KLHL24: variants seen among roughly 807,000 people sequenced by gnomAD.
KLHL24 encodes kelch like family member 24, also known as kelch-like protein 24.
KLHL24 carries 29 observed loss-of-function variants against 53.4 expected under a neutral mutation model. The ratio of observed to expected loss-of-function variants is 0.54; its 90% CI spans 0.40 to 0.74. The LOEUF is 0.74. Ranked by LOEUF, KLHL24 falls within the 30% of genes least tolerant of loss-of-function variation. The pLI is 0.00. For synonymous variants in KLHL24, 222 were observed against 253.7 expected (o/e 0.88, Z 1.19); for missense variants, 504 against 744.0 (o/e 0.68, Z 3.75).
chr3:183,656,864 C>T (rs1718972489), intron 3 of KLHL24, among the ~76,000 whole-genome samples: 1 of 150,368 alleles, frequency 6.7e-6, no homozygotes, highest in African/African-American at 2.5e-5. Flanking sequence ...AGTTCGAGAC[C>T]TGCCTGGGCA....
intron 1 of KLHL24, among the ~76,000 whole-genome samples, chr3:183,639,861 C>G (rs953297357): frequency 6.7e-6 from 1 of 150,246 alleles, no homozygotes; most frequent in Non-Finnish European, 1.5e-5. Context: ...AACAAACAAA[C>G]AAACCCAGAA....
intron 5 of KLHL24, among the ~76,000 whole-genome samples, chr3:183,669,610 T>C (rs1455973668): frequency 2.0e-5 from 3 of 152,120 alleles, no homozygotes; most frequent in African/African-American, 4.8e-5. Flanking sequence ...AGAAGTGGCA[T>C]TGAGTACTGT....
At chr3:183,647,571 C>A (rs1406429756) in intron 2 of KLHL24, among the ~76,000 whole-genome samples, 1 of 151,102 alleles carries the variant, frequency 6.6e-6, no homozygotes, top group Non-Finnish European at 1.5e-5. Context: ...ATTATCCAGG[C>A]GTGCTGGCGC....
intron 3 of KLHL24, among the ~76,000 whole-genome samples, chr3:183,658,235 G>T (rs1456488325): frequency 6.8e-6 from 1 of 147,182 alleles, no homozygotes; most frequent in Admixed American, 6.8e-5. Context: ...AAAATTCTTT[G>T]CATAGTTGTA....
chr3:183,660,908 A>G (rs1719658975), intron 3 of KLHL24, among the ~76,000 whole-genome samples: 1 of 150,846 alleles, frequency 6.6e-6, no homozygotes, highest in Admixed American at 6.6e-5. Flanking sequence ...CTAAAAATAC[A>G]AAAGCAATTA....
At position 183,663,652 on chromosome 3, in the gene KLHL24, G is replaced by A; in HGVS notation, c.1105+10G>A. On this transcript the variant is annotated intron_variant, in intron 4 of 7. Transcript: ENST00000242810. The surrounding 1 kb of genome is among the most constrained non-coding windows in gnomAD (Gnocchi z 4.9). ...GACATTCTTGTTTCAGGTAAATATA[G>A]AATTATTACAGTAGCTACTTTTAAT... The A allele has an allele frequency of 6.8e-7, 1 of 1,477,344 alleles. No homozygotes were observed. 91.5% of individuals were successfully genotyped at this position (1,477,344 alleles called of 1,614,324 possible).
intron 7 of KLHL24, among the ~76,000 whole-genome samples, chr3:183,676,189 GGGTTCAAGTGATTCTCCTGCCTCA>G (rs1711822474): frequency 4.6e-5 from 7 of 152,058 alleles, no homozygotes; most frequent in Non-Finnish European, 8.8e-5. Context: ...TCCGCCTCCC[GGGTTCAAGTGATTCTCCTGCCTCA>G]GTCTCCCAAG....
intron 3 of KLHL24, among the ~76,000 whole-genome samples, chr3:183,654,081 C>T (rs992141176): frequency 1.3e-5 from 2 of 152,214 alleles, no homozygotes; most frequent in Admixed American, 1.3e-4. Context: ...TGAAACTCCT[C>T]TCAATCAGGT....
intron 2 of KLHL24, among the ~76,000 whole-genome samples, chr3:183,648,888 A>G (rs1717708193): frequency 6.6e-6 from 1 of 152,136 alleles, no homozygotes. Context: ...CTGTAGTCCC[A>G]GCTACTCGGG....
rs1560193769 is a variant in KLHL24 at position 183,680,662 on chromosome 3, T to A, written c.*1376T>A. 2 of 152,202 alleles carry A rather than the reference T, an allele frequency of 1.3e-5. No individual in the cohort carries two copies. The highest frequency in any genetic ancestry group is 4.8e-5 in the African/African-American group (2 of 41,460). 9.4% of individuals were successfully genotyped at this position (152,202 alleles called of 1,614,324 possible). On this transcript the variant is annotated 3_prime_UTR_variant, in exon 8 of 8. Transcript: ENST00000242810. Reference sequence around the variant, plus strand: ...AACTCCACTTTATAAAGCTTATCAGTTTTCAGAGAGGAATGTGAATTTTTT... The same window carrying A: ...AACTCCACTTTATAAAGCTTATCAGATTTCAGAGAGGAATGTGAATTTTTT...
chr3:183,643,508 TTGAC>T lies in KLHL24; in HGVS notation c.-93_-90del, dbSNP rs537916646. 3.9e-5 allele frequency: 6 copies of T among 152,354 alleles called. 1 individual carries two copies. In the East Asian group the frequency reaches 1.2e-3, roughly 29 times the overall value. The allele number at this position is 152,354 out of a possible 1,614,324, so 9.4% of individuals were successfully genotyped here. A position where few individuals can be genotyped will look rare whatever the true frequency, so the allele number is the denominator to read the frequency against. On this transcript the variant is annotated 5_prime_UTR_variant, in exon 2 of 8. Coordinates refer to ENST00000242810, the MANE Select transcript of KLHL24 (RefSeq NM_017644.3). ...TGGAAATTAAAAGAACACACATATTTTGACTGGGGCTTTGATCAACCAAATGCTA... is the reference window on the plus strand; with the variant it reads ...TGGAAATTAAAAGAACACACATATTTTGGGGCTTTGATCAACCAAATGCTA...
intron 3 of KLHL24, among the ~76,000 whole-genome samples, chr3:183,662,952 A>T (rs1720011314): frequency 6.6e-6 from 1 of 152,098 alleles, no homozygotes; most frequent in Non-Finnish European, 1.5e-5. Flanking sequence ...TTGACTTTGT[A>T]TTTTAAAAAC....
chr3:183,640,694 G>A (rs1252672026), intron 1 of KLHL24, among the ~76,000 whole-genome samples: 1 of 151,266 alleles, frequency 6.6e-6, no homozygotes, highest in African/African-American at 2.4e-5. Flanking sequence ...CCGCCTCCTG[G>A]GTTCAAGCAT....
chr3:183,677,822 G>A (rs1056121714), intron 7 of KLHL24, among the ~76,000 whole-genome samples: 5 of 151,664 alleles, frequency 3.3e-5, no homozygotes, highest in Non-Finnish European at 5.9e-5. Context: ...ACGGAGTTTC[G>A]CTCTTATCAC....
chr3:183,637,571 T>C (rs145841354), intron 1 of KLHL24, among the ~76,000 whole-genome samples: 1 of 152,180 alleles, frequency 6.6e-6, no homozygotes, highest in Non-Finnish European at 1.5e-5. Flanking sequence ...TCTAATCGCT[T>C]GAGTTAATAG....
intron 7 of KLHL24, 122 bp from the exon 8 acceptor site, chr3:183,678,964 C>CTTAG: frequency 1.3e-6 from 1 of 747,268 alleles, no homozygotes; most frequent in East Asian, 2.6e-5. Context: ...GCCAAAGGAC[C>CTTAG]TTAGCTTTTA....
At chr3:183,656,476 T>C (rs1010570536) in intron 3 of KLHL24, among the ~76,000 whole-genome samples, 3 of 152,240 alleles carry the variant, frequency 2.0e-5, no homozygotes, top group Non-Finnish European at 2.9e-5. Flanking sequence ...TTCATATTAA[T>C]ACTTAGATGC....
chr3:183,647,331 G>T (rs566158978), intron 2 of KLHL24, among the ~76,000 whole-genome samples: 2 of 151,938 alleles, frequency 1.3e-5, no homozygotes, highest in Non-Finnish European at 2.9e-5. Flanking sequence ...CAGGAGAATC[G>T]CTTGAACCTG....
At chr3:183,637,435 C>T (rs1338561488) in intron 1 of KLHL24, among the ~76,000 whole-genome samples, 1 of 152,160 alleles carries the variant, frequency 6.6e-6, no homozygotes, top group Non-Finnish European at 1.5e-5. Flanking sequence ...TTTTAATTCC[C>T]GTGGTAATTC....
Sources: gnomAD v4.1 joint callset for allele counts (sites outside exome capture counted in the v4.1 genomes callset) on GRCh38, gnomAD v4.1.1 for gene constraint, Gnocchi (gnomAD v3.1) non-coding constraint, MANE v1.5 for transcripts, NCBI Gene and HGNC (gene_info 2026-07-23, HGNC 2026-07-21) for gene names.